The following EPHA8 variants were observed in gnomAD, a reference collection of about 807,000 sequenced individuals.
EPHA8 encodes the protein ephrin type-A receptor 8.
In EPHA8, 58 loss-of-function variants were observed where a neutral mutation model predicts 103.6. The ratio of observed to expected loss-of-function variants is 0.56; its 90% CI spans 0.45 to 0.70. EPHA8 has a LOEUF of 0.70. Among genes scored for constraint, EPHA8 ranks in the 30% least tolerant of loss-of-function variants. EPHA8 has a pLI of 0.00. For synonymous variants in EPHA8, 559 were observed against 572.5 expected, an observed-to-expected ratio of 0.98 and a Z score of 0.34; for missense variants, 1,304 against 1,395.2, an observed-to-expected ratio of 0.93 and a Z score of 1.04.
chr1:22,575,480 T>C (rs1409750852), intron 2 of EPHA8, among the ~76,000 whole-genome samples: 1 of 152,222 alleles, frequency 6.6e-6, no homozygotes, highest in African/African-American at 2.4e-5. Context: ...CTTTATGTAT[T>C]CTGGATATTA....
chr1:22,566,862 A>T (rs553612947), intron 1 of EPHA8, among the ~76,000 whole-genome samples: 100 of 152,086 alleles, frequency 6.6e-4, no homozygotes, highest in Admixed American at 1.8e-3. Context: ...GGGGACATGG[A>T]TGGGGAAGGT....
At position 22,596,179 on chromosome 1, in the gene EPHA8, T is replaced by C. The variant is rs367949357; in HGVS notation, c.1765+6T>C. 4.3e-6 allele frequency: 7 copies of C among 1,613,106 alleles called. No homozygotes were observed. In the African/African-American group the frequency reaches 9.4e-5, roughly 22 times the overall value. On this transcript the variant is annotated splice_donor_region_variant and intron_variant, in intron 9 of 16. Coordinates refer to ENST00000166244, the MANE Select transcript of EPHA8 (RefSeq NM_020526.5). The stretch of plus-strand genomic sequence containing the variant: ...GCACTATCAGAATGGACAGGGTGAG[T>C]GCAGGGGCCCGGTGGTCTGGGGCAG...
rs535545843 is a variant in EPHA8 at position 22,579,155 on chromosome 1, GTGTA to G, written c.823+2282_823+2285del. On this transcript the variant is annotated intron_variant, in intron 3 of 16. Transcript: ENST00000166244. ...CATGTGTGTGTGCATATGTGCAAGA[GTGTA>G]TGTATGCATGTGTGTGCATGTGTGC... Among the ~76,000 whole-genome samples, 369 of 150,826 alleles carry G rather than the reference GTGTA, an allele frequency of 2.4e-3. 1 individual carries two copies. The highest frequency in any genetic ancestry group is 8.2e-3 in the African/African-American group (336 of 41,092).
intron 3 of EPHA8, among the ~76,000 whole-genome samples, chr1:22,579,000 T>A (rs1242184066): frequency 1.4e-5 from 2 of 142,476 alleles, no homozygotes; most frequent in Admixed American, 1.5e-4. Context: ...TGCATGTGTA[T>A]ATGCATGTGT....
intron 3 of EPHA8, among the ~76,000 whole-genome samples, chr1:22,578,606 CATGAGTGT>C (rs1338228853): frequency 7.0e-6 from 1 of 142,678 alleles, no homozygotes; most frequent in Non-Finnish European, 1.5e-5. Context: ...TGCATGTGTG[CATGAGTGT>C]ATGTCTGCGT....
intron 3 of EPHA8, among the ~76,000 whole-genome samples, chr1:22,583,442 G>A (rs563017769): frequency 6.6e-6 from 1 of 152,252 alleles, no homozygotes; most frequent in African/African-American, 2.4e-5. Context: ...CTGGGACGGT[G>A]CTGGGAGGAC....
rs200457972 is a variant in EPHA8, at chr1:22,597,504, G to T, written c.1930+28G>T. On this transcript the variant is annotated intron_variant, in intron 10 of 16. Transcript: ENST00000166244. This position sits in a 1 kb window ranked among gnomAD's most constrained non-coding sequence, Gnocchi z 4.6. ...GAGTCTCAGGGGTTGTGAGGGCGGGGCCAGCATGGGGCAAGGTGGGGGCAC... is the reference window on the plus strand; with the variant it reads ...GAGTCTCAGGGGTTGTGAGGGCGGGTCCAGCATGGGGCAAGGTGGGGGCAC... 1.9e-6 allele frequency: 3 copies of T among 1,604,950 alleles called. No homozygotes were observed. The highest frequency in any genetic ancestry group is 1.1e-5 in the South Asian group (1 of 89,894).
chr1:22,587,961 C>T (rs747759185), intron 4 of EPHA8, among the ~76,000 whole-genome samples: 1 of 152,200 alleles, frequency 6.6e-6, no homozygotes, highest in Admixed American at 6.5e-5. Context: ...GAGTCTGGCC[C>T]CAGGTCATGG....
At chr1:22,593,832 C>T (rs1448955651) in intron 7 of EPHA8, 146 bp downstream of exon 7, 10 of 1,047,994 alleles carry the variant, frequency 9.5e-6, no homozygotes, top group African/African-American at 4.8e-5. Flanking sequence ...GTGGGGTTGT[C>T]GGAGTTTTTT....
At chr1:22,599,687 GA>G (rs1641634080) in intron 13 of EPHA8, among the ~76,000 whole-genome samples, 3 of 32,690 alleles carry the variant, frequency 9.2e-5, no homozygotes, top group Admixed American at 3.8e-4. Context: ...GGGAAGGAAG[GA>G]AAGGAGGGAG....
In EPHA8 at chr1:22,593,318, C is replaced by A; in HGVS notation, c.1316-8C>A. The A allele has an allele frequency of 6.4e-7, 1 of 1,555,660 alleles. No individual in the cohort carries two copies. Among genetic ancestry groups the A allele is most frequent in the Non-Finnish European group, 8.7e-7 (1 of 1,147,770 alleles). On this transcript the variant is annotated splice_polypyrimidine_tract_variant and splice_region_variant and intron_variant, in intron 5 of 16. Transcript: ENST00000166244. ...CCTCCGCCCATCTGACGGGATTGGC[C>A]GCCCCAGCCCCGTCCCAGGTGGTGG...
At position 22,563,534 on chromosome 1, in the gene EPHA8, G is replaced by A. The variant is rs1177569236; in HGVS notation, c.-102G>A. The A allele has an allele frequency of 6.8e-6, 1 of 146,458 alleles. No homozygotes were observed. The highest frequency in any genetic ancestry group is 1.5e-5 in the Non-Finnish European group (1 of 65,584). 9.1% of individuals were successfully genotyped at this position (146,458 alleles called of 1,614,324 possible). ...GTGCGCCGGGGTGTGCGCCCGGCCG[G>A]GTGTGCGGAGAGCGAGGGAGCGCGC... is the stretch of plus-strand genomic sequence containing the variant. On this transcript the variant is annotated 5_prime_UTR_variant, in exon 1 of 17. Coordinates refer to ENST00000166244, the MANE Select transcript of EPHA8 (RefSeq NM_020526.5). This position sits in a 1 kb window ranked among gnomAD's most constrained non-coding sequence, Gnocchi z 4.4.
Position 22,593,580 on chromosome 1 carries a change from C to A in EPHA8, c.1497C>A (p.Val499=). 2 of 1,612,222 alleles carry A rather than the reference C, an allele frequency of 1.2e-6. No homozygotes were observed. Among genetic ancestry groups the A allele is most frequent in the Non-Finnish European group, 8.5e-7 (1 of 1,179,654 alleles). The change falls in exon 7 of 17, where the codon GTC becomes GTA. Residue 499 remains valine, a synonymous_variant. Coordinates refer to ENST00000166244, the MANE Select transcript of EPHA8 (RefSeq NM_020526.5). ...AGGCCGTCACCACCAGAGCCACCGT[C>A]TCCGGCCTCAAGCCGGGCACCCGCT... The part of the protein sequence containing the change: ...TLKAVTTRAT[V]SGLKPGTRYV...
chr1:22,578,203 C>T (rs938135081), intron 3 of EPHA8, among the ~76,000 whole-genome samples: 10 of 77,214 alleles, frequency 1.3e-4, no homozygotes, highest in South Asian at 4.2e-4. Context: ...TGTGTGCGTG[C>T]GAGTGTGTGC....
At chr1:22,572,038 T>A (rs1569953366) in intron 2 of EPHA8, among the ~76,000 whole-genome samples, 2 of 152,020 alleles carry the variant, frequency 1.3e-5, no homozygotes, top group East Asian at 3.9e-4. Context: ...AAAATAAAAA[T>A]AAAAAATAAT....
At chr1:22,575,507 A>G (rs1640663893) in intron 2 of EPHA8, among the ~76,000 whole-genome samples, 1 of 152,224 alleles carries the variant, frequency 6.6e-6, no homozygotes, top group South Asian at 2.1e-4. Context: ...TATCAGCTAC[A>G]TGATTTGCAC....
At chr1:22,566,140 C>T (rs1011561129) in intron 1 of EPHA8, among the ~76,000 whole-genome samples, 3 of 152,212 alleles carry the variant, frequency 2.0e-5, no homozygotes, top group Non-Finnish European at 4.4e-5. Flanking sequence ...CTGGGGCACC[C>T]GTGGGCCCAG....
At chr1:22,568,644 C>A (rs1243011667) in intron 1 of EPHA8, among the ~76,000 whole-genome samples, 1 of 152,238 alleles carries the variant, frequency 6.6e-6, no homozygotes, top group Non-Finnish European at 1.5e-5. Flanking sequence ...AGTGGGTGCC[C>A]ACTAAGAGGC....
chr1:22,584,761 C>G (rs1641142181), intron 3 of EPHA8, among the ~76,000 whole-genome samples: 1 of 152,116 alleles, frequency 6.6e-6, no homozygotes, highest in African/African-American at 2.4e-5. Flanking sequence ...CCTCTGGGGT[C>G]TCTGCCCAGA....
Sources: allele counts gnomAD v4.1 joint callset (sites outside exome capture counted in the v4.1 genomes callset), GRCh38; gene constraint gnomAD v4.1.1; non-coding constraint Gnocchi (gnomAD v3.1); transcripts MANE v1.5; gene names NCBI Gene and HGNC (gene_info 2026-07-23, HGNC 2026-07-21).